BRD8: variants seen among roughly 807,000 people sequenced by gnomAD.
The protein encoded by BRD8 is bromodomain containing 8.
A neutral mutation model predicts 143.1 loss-of-function variants in BRD8; 67 were observed. The observed-to-expected ratio is 0.47, with a 90% CI of 0.38 to 0.57. BRD8 has a LOEUF of 0.57. Ranked by LOEUF, BRD8 falls within the 20% of genes least tolerant of loss-of-function variation. The probability of loss-of-function intolerance (pLI) is 0.00; values close to 1 mark genes in which losing one functional copy is unlikely to be tolerated. For synonymous variants in BRD8, 505 were observed against 517.1 expected (o/e 0.98, Z 0.32); for missense variants, 1,103 against 1,503.0 (o/e 0.73, Z 4.40).
At chr5:138,170,941 TG>T (rs1335885514) in intron 5 of BRD8, 29 bp from the exon 6 acceptor site, 1 of 1,612,856 alleles carries the variant, frequency 6.2e-7, no homozygotes, top group Admixed American at 1.7e-5. Flanking sequence ...GTAGGTAGAC[TG>T]GGTTTTTTAA....
At chr5:138,162,883 C>T (rs1291011867) in intron 15 of BRD8, among the ~76,000 whole-genome samples, 1 of 151,720 alleles carries the variant, frequency 6.6e-6, no homozygotes, top group Non-Finnish European at 1.5e-5. Flanking sequence ...GGCTGGTAGT[C>T]CCAGCTACTA....
chr5:138,144,898 C>CAAAAAAAAAAAA (rs34496046), intron 25 of BRD8, among the ~76,000 whole-genome samples: 1 of 103,532 alleles, frequency 9.7e-6, no homozygotes, highest in Non-Finnish European at 1.9e-5. Context: ...GAGACCCTGT[C>CAAAAAAAAAAAA]AAAAAAAAAA....
intron 2 of BRD8, among the ~76,000 whole-genome samples, chr5:138,175,014 T>C (rs1363220699): frequency 1.3e-5 from 2 of 151,680 alleles, no homozygotes; most frequent in African/African-American, 4.8e-5. Flanking sequence ...CTCAGCCTCC[T>C]GAGTAGCTGG....
Position 138,139,982 on chromosome 5 carries a change from G to C in BRD8, c.*92C>G. ...TATTATTCTTGTTGGAAAAGAAAAT[G>C]AGGACATGGCAAAGAAGTACCAGGA... On this transcript the variant is annotated 3_prime_UTR_variant, in exon 27 of 27. Transcript: ENST00000254900. 2 of 975,722 alleles carry C rather than the reference G, an allele frequency of 2.0e-6. No individual in the cohort carries two copies. Among genetic ancestry groups the C allele is most frequent in the East Asian group, 4.8e-5 (2 of 41,540 alleles). 60.4% of individuals were successfully genotyped at this position (975,722 alleles called of 1,614,324 possible).
At position 138,164,351 on chromosome 5, in the gene BRD8, C is replaced by A. The variant is rs745512529; in HGVS notation, c.1794G>T (p.Glu598Asp). 3 of 1,614,128 alleles carry A rather than the reference C, an allele frequency of 1.9e-6. No individual in the cohort carries two copies. The Admixed American group carries it at 5.0e-5, about 27-fold the overall frequency. ...HGSNPIEDPL[E>D]AETQHKFEMS... ...TTTCAAACTTGTGCTGAGTCTCTGCCTCTAAAGGATCTTCAATGGGATTTG... is the reference window on the plus strand; with the variant it reads ...TTTCAAACTTGTGCTGAGTCTCTGCATCTAAAGGATCTTCAATGGGATTTG... Residue 598 changes from glutamate (E) to aspartate (D), a missense_variant, in exon 13 of 27, where the codon GAG becomes GAT. Glu to Asp is a conservative substitution (Grantham distance 45, BLOSUM62 2). This residue lies in a region of BRD8 where 75 missense variants were observed against 111.7 expected (regional missense o/e 0.67). Transcript: ENST00000254900.
At chr5:138,169,456 T>C in intron 7 of BRD8, 98 bp from the exon 8 acceptor site, 11 of 1,326,942 alleles carry the variant, frequency 8.3e-6, no homozygotes, top group African/African-American at 1.5e-5. Context: ...AATAGGTATG[T>C]TGCATTACTA....
intron 25 of BRD8, among the ~76,000 whole-genome samples, chr5:138,141,815 G>A (rs1751921068): frequency 6.6e-6 from 1 of 151,328 alleles, no homozygotes. Flanking sequence ...GCACAGCAGT[G>A]TAGAAAGAAG....
intron 11 of BRD8, among the ~76,000 whole-genome samples, chr5:138,165,415 T>C (rs972914939): frequency 5.3e-5 from 8 of 152,140 alleles, no homozygotes; most frequent in African/African-American, 1.9e-4. Context: ...GAGAGTTGTT[T>C]AAGTAATTCT....
chr5:138,154,221 C>T (rs990006536), intron 20 of BRD8, among the ~76,000 whole-genome samples: 3 of 152,182 alleles, frequency 2.0e-5, no homozygotes, highest in Non-Finnish European at 4.4e-5. Context: ...ATAAATTTCT[C>T]AATCTGCCAA....
Position 138,140,700 on chromosome 5 carries a change from A to T in BRD8, c.3615+5T>A. ...CCAGAGGCTACAGGTATCTGCATAC[A>T]GTACCTGAATCTGCTCCAGGACTTC... On this transcript the variant is annotated splice_donor_5th_base_variant and intron_variant, in intron 26 of 26. Coordinates refer to ENST00000254900, the MANE Select transcript of BRD8 (RefSeq NM_139199.2). 1 of 1,612,650 alleles carries T rather than the reference A, an allele frequency of 6.2e-7. No individual in the cohort carries two copies. The highest frequency in any genetic ancestry group is 8.5e-7 in the Non-Finnish European group (1 of 1,178,572).
At chr5:138,169,100 T>A in intron 8 of BRD8, 122 bp downstream of exon 8, 1 of 1,056,556 alleles carries the variant, frequency 9.5e-7, no homozygotes, top group Non-Finnish European at 1.3e-6. Flanking sequence ...GTAAATTAAG[T>A]CTTTAGCATT....
chr5:138,158,584 G>A (rs1443160377), intron 20 of BRD8, among the ~76,000 whole-genome samples: 2 of 151,458 alleles, frequency 1.3e-5, no homozygotes, highest in Non-Finnish European at 1.5e-5. Flanking sequence ...GATTACAGGC[G>A]TATGCCACCA....
chr5:138,177,700 A>G, intron 1 of BRD8, 33 bp from the exon 2 acceptor site: 2 of 1,334,344 alleles, frequency 1.5e-6, no homozygotes, highest in Non-Finnish European at 2.1e-6. Flanking sequence ...AAAGCCTTGG[A>G]AACAACCACT....
At chr5:138,170,445 T>A (rs1262965080) in intron 6 of BRD8, 36 bp from the exon 7 acceptor site, 1 of 1,612,382 alleles carries the variant, frequency 6.2e-7, no homozygotes, top group Non-Finnish European at 8.5e-7. Context: ...GCTAGACAGC[T>A]CTGGCTCCTC....
chr5:138,169,378 A>G lies in BRD8; in HGVS notation c.506-20T>C, dbSNP rs1015114694. The G allele has an allele frequency of 6.2e-7, 1 of 1,610,502 alleles. No homozygotes were observed. The highest frequency in any genetic ancestry group is 8.5e-7 in the Non-Finnish European group (1 of 1,178,570). On this transcript the variant is annotated intron_variant, in intron 7 of 26. Coordinates refer to ENST00000254900, the MANE Select transcript of BRD8 (RefSeq NM_139199.2). Reference sequence around the variant, plus strand: ...GACGAGCTAGAACATAAAAGAGAACAATGTCCAAATCTTCAAGATTAAATA... The same window carrying G: ...GACGAGCTAGAACATAAAAGAGAACGATGTCCAAATCTTCAAGATTAAATA...
At position 138,152,724 on chromosome 5, in the gene BRD8, C is replaced by T. The variant is rs1752420988; in HGVS notation, c.2614G>A (p.Asp872Asn). ...CTCAACTCAGAGTCATTGGGATGAT[C>T]TTGTTCAGAATCCAGCCAAACCCAC... ...HEWVWLDSEQ[D>N]HPNDSELSND... The change falls in exon 21 of 27, where the codon GAT becomes AAT. Residue 872 changes from aspartate to asparagine, a missense_variant. Asp to Asn is a conservative substitution (Grantham distance 23). This residue lies in a region of BRD8 where 369 missense variants were observed against 445.5 expected (regional missense o/e 0.83). Coordinates refer to ENST00000254900, the MANE Select transcript of BRD8 (RefSeq NM_139199.2). 1.9e-6 allele frequency: 3 copies of T among 1,614,110 alleles called. No homozygotes were observed. The highest frequency in any genetic ancestry group is 2.5e-6 in the Non-Finnish European group (3 of 1,180,006).
Position 138,161,036 on chromosome 5 carries a change from A to G in BRD8, c.2282T>C (p.Ile761Thr). The G allele has an allele frequency of 2.5e-6, 4 of 1,612,744 alleles. No homozygotes were observed. The highest frequency in any genetic ancestry group is 3.4e-6 in the Non-Finnish European group (4 of 1,179,602). The change falls in exon 18 of 27, where the codon ATA (isoleucine) becomes ACA (threonine). Residue 761 changes from isoleucine (I) to threonine (T), a missense_variant. By Grantham distance (89) the Ile-to-Thr change is moderately conservative. Coordinates refer to ENST00000254900, the MANE Select transcript of BRD8 (RefSeq NM_139199.2). ...PMDLSTIKKN[I>T]ENGLIRSTAE... ...TGTGCTTCGGATCAGTCCATTTTCTATGTTTTTCTTAATAGTTGACAAATC... is the reference window on the plus strand; with the variant it reads ...TGTGCTTCGGATCAGTCCATTTTCTGTGTTTTTCTTAATAGTTGACAAATC...
In BRD8 at chr5:138,151,025, T is replaced by G; in HGVS notation, c.2857-17A>C. On this transcript the variant is annotated splice_polypyrimidine_tract_variant and intron_variant, in intron 21 of 26. Transcript: ENST00000254900. ...ATAAGCTACCTGCAATCAAAGTTTA[T>G]TATTAGATGCACAGGAACACCACTG... is the stretch of plus-strand genomic sequence containing the variant. The G allele has an allele frequency of 6.2e-7, 1 of 1,605,596 alleles. No individual in the cohort carries two copies. The highest frequency in any genetic ancestry group is 1.3e-5 in the African/African-American group (1 of 74,828).
intron 24 of BRD8, 144 bp downstream of exon 24, chr5:138,145,645 G>T (rs893432547): frequency 1.5e-6 from 1 of 675,572 alleles, no homozygotes; most frequent in South Asian, 2.0e-5. Context: ...TGGGTACTTT[G>T]GGATAAATCG....
Sources: allele counts gnomAD v4.1 joint callset (sites outside exome capture counted in the v4.1 genomes callset), GRCh38; gene constraint gnomAD v4.1.1; regional missense constraint gnomAD v4.1.1; transcripts MANE v1.5; gene names NCBI Gene and HGNC (gene_info 2026-07-23, HGNC 2026-07-21).